The following TMEFF1 variants were observed in gnomAD, a reference collection of about 807,000 sequenced individuals.
The protein encoded by TMEFF1 is tomoregulin-1.
TMEFF1 carries 20 observed loss-of-function variants against 47.5 expected under a neutral mutation model. The observed-to-expected ratio is 0.42, with a 90% CI of 0.30 to 0.61. TMEFF1 has a LOEUF of 0.61. Ranked by LOEUF, TMEFF1 falls within the 20% of genes least tolerant of loss-of-function variation. TMEFF1 has a pLI of 0.19. For missense variants in TMEFF1, 411 were observed against 471.1 expected (o/e 0.87, Z 1.18); for synonymous variants, 162 against 166.3 (o/e 0.97, Z 0.20).
chr9:100,476,832 G>GACTAC (rs1837240697), intron 1 of TMEFF1, among the ~76,000 whole-genome samples: 1 of 151,836 alleles, frequency 6.6e-6, no homozygotes, highest in Admixed American at 6.6e-5. Flanking sequence ...CAGTAGCTGG[G>GACTAC]ACTACAGGCA....
intron 9 of TMEFF1, among the ~76,000 whole-genome samples, chr9:100,574,197 G>A (rs1839305483): frequency 6.6e-6 from 1 of 152,176 alleles, no homozygotes. Flanking sequence ...GCAGGGGAAG[G>A]ACTTGGTATA....
At chr9:100,576,463 G>T in intron 9 of TMEFF1, 53 bp from the exon 10 acceptor site, 1 of 1,593,498 alleles carries the variant, frequency 6.3e-7, no homozygotes, top group South Asian at 1.1e-5. Context: ...GAAATATCCT[G>T]AACAAAATCA....
At chr9:100,538,022 A>G (rs1378172909) in intron 5 of TMEFF1, among the ~76,000 whole-genome samples, 1 of 152,202 alleles carries the variant, frequency 6.6e-6, no homozygotes, top group East Asian at 1.9e-4. Flanking sequence ...CAAAAATGAA[A>G]TGAGCTTTTG....
At chr9:100,494,676 A>G (rs1174537174) in intron 1 of TMEFF1, among the ~76,000 whole-genome samples, 3 of 152,224 alleles carry the variant, frequency 2.0e-5, no homozygotes, top group African/African-American at 4.8e-5. Context: ...GAGGGAGGCC[A>G]AGAAATGTAG....
chr9:100,540,491 C>T (rs926435700), intron 5 of TMEFF1, among the ~76,000 whole-genome samples: 2 of 152,154 alleles, frequency 1.3e-5, no homozygotes, highest in African/African-American at 4.8e-5. Flanking sequence ...TTGCCAAGTG[C>T]CCACCCGTGC....
intron 3 of TMEFF1, among the ~76,000 whole-genome samples, chr9:100,512,521 A>G (rs1837986800): frequency 6.6e-6 from 1 of 152,254 alleles, no homozygotes. Flanking sequence ...AAAGCATCAA[A>G]TTCCTCACTT....
At chr9:100,540,668 G>A (rs540194471) in intron 5 of TMEFF1, among the ~76,000 whole-genome samples, 28 of 152,366 alleles carry the variant, frequency 1.8e-4, no homozygotes, top group African/African-American at 4.8e-4. Context: ...CTGCTAGCAC[G>A]TTGTCACCTC....
intron 1 of TMEFF1, among the ~76,000 whole-genome samples, chr9:100,496,726 A>G (rs961952663): frequency 6.6e-6 from 1 of 152,218 alleles, no homozygotes; most frequent in Non-Finnish European, 1.5e-5. Context: ...ACAATTCAAG[A>G]GTCTCAAAGT....
At chr9:100,503,647 C>G (rs531893871) in intron 2 of TMEFF1, among the ~76,000 whole-genome samples, 4 of 152,014 alleles carry the variant, frequency 2.6e-5, no homozygotes, top group South Asian at 2.1e-4. Context: ...TCCTACAGTC[C>G]GTCATCTGTA....
chr9:100,547,984 A>G (rs1435483823), intron 6 of TMEFF1, 92 bp downstream of exon 6: 5 of 1,296,762 alleles, frequency 3.9e-6, no homozygotes, highest in South Asian at 3.0e-5. Flanking sequence ...AAATTTGTAA[A>G]ATGAGAAATC....
rs761242003 is a variant in TMEFF1, at chr9:100,550,080, C to T, written c.710-15C>T. 11 of 1,600,674 alleles carry T rather than the reference C, an allele frequency of 6.9e-6. No individual in the cohort carries two copies. The highest frequency in any genetic ancestry group is 3.4e-5 in the South Asian group (3 of 88,268). On this transcript the variant is annotated splice_polypyrimidine_tract_variant and intron_variant, in intron 6 of 9. Coordinates refer to ENST00000374879, the MANE Select transcript of TMEFF1 (RefSeq NM_003692.5). ...ATTGTATATATTTTAATTTGAAAACCGTCTTCTCTTACAGATACAGATGAC... is the reference window on the plus strand; with the variant it reads ...ATTGTATATATTTTAATTTGAAAACTGTCTTCTCTTACAGATACAGATGAC...
chr9:100,540,022 T>C (rs974074192), intron 5 of TMEFF1, among the ~76,000 whole-genome samples: 1 of 152,000 alleles, frequency 6.6e-6, no homozygotes, highest in Non-Finnish European at 1.5e-5. Context: ...TGCTGATTGG[T>C]GCATTTACAA....
intron 2 of TMEFF1, among the ~76,000 whole-genome samples, chr9:100,501,281 A>G (rs954875141): frequency 2.0e-5 from 3 of 152,208 alleles, no homozygotes; most frequent in African/African-American, 7.2e-5. Context: ...ATAGCCTCAT[A>G]TCAGATGTCC....
intron 5 of TMEFF1, among the ~76,000 whole-genome samples, chr9:100,519,521 A>G (rs1383431542): frequency 6.6e-6 from 1 of 151,908 alleles, no homozygotes; most frequent in African/African-American, 2.4e-5. Flanking sequence ...ATGTGGGTAT[A>G]TTCTTCTAAT....
intron 5 of TMEFF1, among the ~76,000 whole-genome samples, chr9:100,544,504 C>T (rs559489989): frequency 6.6e-6 from 1 of 152,304 alleles, no homozygotes; most frequent in East Asian, 1.9e-4. Flanking sequence ...CAGTCACCTC[C>T]TACCGGGTTC....
At chr9:100,484,762 G>A (rs1019518619) in intron 1 of TMEFF1, among the ~76,000 whole-genome samples, 2 of 149,466 alleles carry the variant, frequency 1.3e-5, no homozygotes, top group East Asian at 2.0e-4. Context: ...TGATCTTGGC[G>A]CCCTGCAACC....
At chr9:100,511,123 T>A (rs1219840407) in intron 3 of TMEFF1, among the ~76,000 whole-genome samples, 1 of 152,306 alleles carries the variant, frequency 6.6e-6, no homozygotes, top group African/African-American at 2.4e-5. Flanking sequence ...AATTATTATG[T>A]TTTTAGTCTA....
intron 5 of TMEFF1, among the ~76,000 whole-genome samples, chr9:100,530,120 A>G (rs1353464853): frequency 6.6e-6 from 1 of 151,642 alleles, no homozygotes; most frequent in Non-Finnish European, 1.5e-5. Flanking sequence ...TTATAGCACT[A>G]AATGCCCACA....
At chr9:100,515,261 T>C (rs896833955) in intron 4 of TMEFF1, among the ~76,000 whole-genome samples, 31 of 152,186 alleles carry the variant, frequency 2.0e-4, no homozygotes, top group African/African-American at 7.2e-4. Context: ...CCAGTTAATA[T>C]ACAGACCTTA....
Sources: allele counts gnomAD v4.1 joint callset (sites outside exome capture counted in the v4.1 genomes callset), GRCh38; gene constraint gnomAD v4.1.1; transcripts MANE v1.5; gene names NCBI Gene and HGNC (gene_info 2026-07-23, HGNC 2026-07-21).